Variants in COL4A3 observed in about 807,000 individuals in gnomAD.
The protein encoded by COL4A3 is collagen alpha-3(IV) chain.
Under a neutral mutation model 217.4 loss-of-function variants are expected in COL4A3, and 135 were observed. The observed-to-expected ratio is 0.62, with a 90% confidence interval of 0.54 to 0.72. COL4A3 has a LOEUF of 0.72. COL4A3 is among the 30% of genes least tolerant of loss of function. The probability of loss-of-function intolerance (pLI) is 0.00; values close to 1 mark genes in which losing one functional copy is unlikely to be tolerated. For synonymous variants in COL4A3, 690 were observed against 736.3 expected, an observed-to-expected ratio of 0.94 and a Z score of 1.02; for missense variants, 1,868 against 2,119.9, an observed-to-expected ratio of 0.88 and a Z score of 2.33.
intron 1 of COL4A3, among the ~76,000 whole-genome samples, chr2:227,223,939 A>G (rs1368136912): frequency 6.6e-6 from 1 of 152,150 alleles, no homozygotes; most frequent in East Asian, 1.9e-4. Context: ...ATTCAGCTCT[A>G]AGAAGTTACT....
chr2:227,235,400 T>C (rs1032473402), intron 1 of COL4A3, among the ~76,000 whole-genome samples: 1 of 152,216 alleles, frequency 6.6e-6, no homozygotes, highest in Admixed American at 6.5e-5. Context: ...ATAAGAAATA[T>C]GCAACTTTGA....
chr2:227,189,228 G>T (rs775514679), intron 1 of COL4A3, among the ~76,000 whole-genome samples: 1 of 152,140 alleles, frequency 6.6e-6, no homozygotes, highest in South Asian at 2.1e-4. Flanking sequence ...GGAATGGAGA[G>T]CACAGAAAAA....
chr2:227,248,181 CT>C lies in COL4A3; in HGVS notation c.469-261del, dbSNP rs1344527599. On this transcript the variant is annotated intron_variant, in intron 8 of 51. Coordinates refer to ENST00000396578, the MANE Select transcript of COL4A3 (RefSeq NM_000091.5). The stretch of plus-strand genomic sequence containing the variant: ...TCTTGAACTCCTGACCTCGGGTGAT[CT>C]GCCCGTTTTGATCTCCCAAAGTGCT... 4.6e-5 allele frequency: 18 copies of C among 393,946 alleles called. No individual in the cohort carries two copies. The Middle Eastern group carries it at 2.5e-3, about 54-fold the overall frequency. 24.4% of individuals were successfully genotyped at this position (393,946 alleles called of 1,614,324 possible).
intron 23 of COL4A3, among the ~76,000 whole-genome samples, chr2:227,267,597 C>T (rs2070981937): frequency 6.6e-6 from 1 of 152,120 alleles, no homozygotes. Flanking sequence ...TGCAGAAATG[C>T]AATAAACAAA....
rs1173992927 is a variant in COL4A3 at position 227,282,554 on chromosome 2, T to A, written c.2656+22T>A. 1.2e-6 allele frequency: 2 copies of A among 1,609,564 alleles called. No individual in the cohort carries two copies. The highest frequency in any genetic ancestry group is 1.3e-5 in the African/African-American group (1 of 74,706). ...CCAGGTATCCTTTTGTGTGTTTCTA[T>A]TTTTCTTCTTATTTCTTCTTCTTCT... is the stretch of plus-strand genomic sequence containing the variant. On this transcript the variant is annotated intron_variant, in intron 32 of 51. Transcript: ENST00000396578. The surrounding 1 kb of genome is among the most constrained non-coding windows in gnomAD (Gnocchi z 4.4).
intron 1 of COL4A3, among the ~76,000 whole-genome samples, chr2:227,192,705 T>TG (rs2066292717): frequency 1.3e-5 from 2 of 152,138 alleles, no homozygotes; most frequent in Non-Finnish European, 2.9e-5. Flanking sequence ...AGGGGTGTCC[T>TG]GGAGGGCAGG....
At chr2:227,165,343 A>G (rs1437319452) in intron 1 of COL4A3, among the ~76,000 whole-genome samples, 3 of 152,112 alleles carry the variant, frequency 2.0e-5, no homozygotes, top group Non-Finnish European at 4.4e-5. Flanking sequence ...TTCCTTTGCT[A>G]TTGTTGGGAA....
At chr2:227,249,230 A>ATTTTTTTTTTTTTT (rs1247683938) in intron 9 of COL4A3, among the ~76,000 whole-genome samples, 4 of 14,692 alleles carry the variant, frequency 2.7e-4, no homozygotes, top group Admixed American at 8.1e-4. Context: ...ATATATATAT[A>ATTTTTTTTTTTTTT]TTTTTTTTTT....
At chr2:227,246,930 GTTTTAC>G (rs1192294754) in intron 7 of COL4A3, 192 bp downstream of exon 7, 1 of 709,986 alleles carries the variant, frequency 1.4e-6, no homozygotes, top group East Asian at 2.7e-5. Context: ...TTGAGGCTTT[GTTTTAC>G]TTTTGAGACA....
Position 227,253,308 on chromosome 2 carries a change from G to A in COL4A3, c.658G>A (p.Glu220Lys), listed in dbSNP as rs779098331. The change falls in exon 12 of 52, where the codon GAA (glutamate) becomes AAA (lysine). Residue 220 changes from glutamate to lysine, a missense_variant. Physicochemically the swap from Glu to Lys is moderately conservative, Grantham distance 56. This residue lies in a region of COL4A3 where 365 missense variants were observed against 333.8 expected (regional missense o/e 1.09). Coordinates refer to ENST00000396578, the MANE Select transcript of COL4A3 (RefSeq NM_000091.5). The surrounding 1 kb of genome is among the most constrained non-coding windows in gnomAD (Gnocchi z 4.4). ...TGTTTTCTTACAGGGTCACATGGGT[G>A]AAAGAGTGATAGGACATAAAGGAGA... ...GPRGPKGHMG[E>K]RVIGHKGERG... The A allele has an allele frequency of 2.5e-6, 4 of 1,613,684 alleles. No individual in the cohort carries two copies.
chr2:227,195,933 C>CAATA (rs1342226914), intron 1 of COL4A3, among the ~76,000 whole-genome samples: 4 of 151,094 alleles, frequency 2.6e-5, no homozygotes, highest in Non-Finnish European at 5.9e-5. Flanking sequence ...AAAAGTTAAA[C>CAATA]AATAAATAAA....
At position 227,259,875 on chromosome 2, in the gene COL4A3, A is replaced by T. The variant is rs199543633; in HGVS notation, c.1112A>T (p.Gln371Leu). 2 of 1,610,916 alleles carry T rather than the reference A, an allele frequency of 1.2e-6. No homozygotes were observed. Among genetic ancestry groups the T allele is most frequent in the Non-Finnish European group, 1.7e-6 (2 of 1,176,996 alleles). The change falls in exon 19 of 52, where the codon CAA becomes CTA. Residue 371 changes from glutamine to leucine, a missense_variant and splice_region_variant. Around this residue, in one of 2 missense-constraint regions of COL4A3, gnomAD observed 1,503 missense variants for 1,786.1 expected, o/e 0.84. Transcript: ENST00000396578. ...GGGCCCAGAGGAGCTCGTGGCCCAC[A>T]AGGTAAGAATAAATTTCTTCCTAAA... ...PPGPRGARGP[Q>L]GPSGPPGVPG...
intron 34 of COL4A3, among the ~76,000 whole-genome samples, chr2:227,288,466 T>C (rs1425751212): frequency 3.3e-5 from 5 of 152,234 alleles, no homozygotes; most frequent in African/African-American, 1.2e-4. Flanking sequence ...AATGGTTTCC[T>C]GGGACGTTTA....
At chr2:227,233,906 C>A (rs1398437134) in intron 1 of COL4A3, among the ~76,000 whole-genome samples, 2 of 152,166 alleles carry the variant, frequency 1.3e-5, no homozygotes, top group Non-Finnish European at 2.9e-5. Flanking sequence ...GGGGTGAAAG[C>A]ACTGACAAAA....
chr2:227,266,296 A>G, intron 21 of COL4A3, 121 bp from the exon 22 acceptor site: 1 of 792,900 alleles, frequency 1.3e-6, no homozygotes, highest in Non-Finnish European at 2.2e-6. Context: ...ATAAACTTCT[A>G]AAGACTAGGC....
rs771560014 is a variant in COL4A3, at chr2:227,253,566, G to C, written c.693G>C (p.Val231=). 6 of 1,613,698 alleles carry C rather than the reference G, an allele frequency of 3.7e-6. No homozygotes were observed. The highest frequency in any genetic ancestry group is 5.1e-6 in the Non-Finnish European group (6 of 1,179,728). ...RVIGHKGERG[V]KGLTGPPGPP... is the part of the protein sequence containing the mutation. Reference sequence around the variant, plus strand: ...CTGAGTGTTTTTGTCTTTAGGGTGTGAAAGGGTTAACAGGACCCCCGGGAC... The same window carrying C: ...CTGAGTGTTTTTGTCTTTAGGGTGTCAAAGGGTTAACAGGACCCCCGGGAC... Residue 231 remains valine, a synonymous_variant, in exon 13 of 52, where the codon GTG becomes GTC. Coordinates refer to ENST00000396578, the MANE Select transcript of COL4A3 (RefSeq NM_000091.5). The surrounding 1 kb of genome is among the most constrained non-coding windows in gnomAD (Gnocchi z 4.4).
At chr2:227,262,418 G>C (rs1230371649) in intron 20 of COL4A3, among the ~76,000 whole-genome samples, 1 of 152,070 alleles carries the variant, frequency 6.6e-6, no homozygotes, top group African/African-American at 2.4e-5. Context: ...TTCTGTTTCT[G>C]TGAAAAATGG....
At chr2:227,261,208 C>G (rs1351221014) in intron 20 of COL4A3, 91 bp downstream of exon 20, 2 of 1,122,696 alleles carry the variant, frequency 1.8e-6, no homozygotes, top group Non-Finnish European at 2.7e-6. Context: ...TTACATAAGA[C>G]AAATGTTTCA....
At chr2:227,172,515 T>C (rs1435787935) in intron 1 of COL4A3, among the ~76,000 whole-genome samples, 2 of 151,900 alleles carry the variant, frequency 1.3e-5, no homozygotes, top group African/African-American at 4.8e-5. Context: ...CTCCTTCTTC[T>C]TCGTCTTTGT....
Sources: gnomAD v4.1 joint callset for allele counts (sites outside exome capture counted in the v4.1 genomes callset) on GRCh38, gnomAD v4.1.1 for gene constraint, gnomAD v4.1.1 regional missense constraint, Gnocchi (gnomAD v3.1) non-coding constraint, MANE v1.5 for transcripts, NCBI Gene and HGNC (gene_info 2026-07-23, HGNC 2026-07-21) for gene names.